Variants in MTERF4 observed in about 807,000 individuals in gnomAD.
The protein encoded by MTERF4 is transcription termination factor 4, mitochondrial.
Under a neutral mutation model 22.5 loss-of-function variants are expected in MTERF4, and 17 were observed. That is an observed-to-expected ratio of 0.75 (90% CI 0.52 to 1.13). The LOEUF (loss-of-function observed/expected upper bound fraction) is 1.13. Ranked by LOEUF, MTERF4 falls within the 50% of genes most tolerant of loss-of-function variation. The pLI is 0.00. For missense variants in MTERF4, 420 were observed against 466.8 expected (o/e 0.90, Z 0.92); for synonymous variants, 165 against 175.3 (o/e 0.94, Z 0.47).
chr2:241,093,101 C>T (rs1462042333), downstream of MTERF4: 1 of 152,370 alleles, frequency 6.6e-6, no homozygotes, highest in Non-Finnish European at 1.5e-5. Flanking sequence ...TTGTCATTTT[C>T]AGAAAGAAGG....
At chr2:241,069,033 G>A (rs751578055), downstream of MTERF4, 4 of 1,537,338 alleles carry the variant, frequency 2.6e-6, no homozygotes, top group African/African-American at 2.7e-5. The surrounding 1 kb of genome is among the most constrained non-coding windows in gnomAD (Gnocchi z 4.9). Flanking sequence ...CGTGAGTAGA[G>A]CAGCGCGGCC....
At chr2:241,081,768 G>A (rs201278542) in intron 4 of MTERF4, 272 of 1,599,276 alleles carry the variant, frequency 1.7e-4, no homozygotes, top group Non-Finnish European at 2.2e-4. Flanking sequence ...GCGGGCCAGG[G>A]TTCAAAGGCA....
intron 2 of MTERF4, chr2:241,099,081 CTTTT>C (rs11343341): frequency 9.3e-5 from 18 of 194,326 alleles, no homozygotes; most frequent in East Asian, 1.4e-4. Flanking sequence ...TATATAAAAT[CTTTT>C]TTTTTTTTTT....
At chr2:241,089,317 C>T (rs1217478395), downstream of MTERF4, 1 of 1,550,244 alleles carries the variant, frequency 6.5e-7, no homozygotes, top group African/African-American at 1.4e-5. Flanking sequence ...GAGTGAGGCA[C>T]CCTTGGGTAA....
chr2:241,080,932 C>T (rs1468862386), intron 4 of MTERF4, among the ~76,000 whole-genome samples: 1 of 152,232 alleles, frequency 6.6e-6, no homozygotes, highest in Non-Finnish European at 1.5e-5. Context: ...GCAGGAGCGA[C>T]AGGGACAGAC....
chr2:241,058,153 C>A, the MTERF4 span, among the ~76,000 whole-genome samples: 5 of 152,182 alleles, frequency 3.3e-5, no homozygotes, highest in African/African-American at 9.6e-5. Context: ...ATATTACTAT[C>A]AGAAAAAGAA....
At chr2:241,097,107 A>T in intron 3 of MTERF4, 136 bp downstream of exon 3, 2 of 1,045,328 alleles carry the variant, frequency 1.9e-6, no homozygotes, top group Non-Finnish European at 2.8e-6. Context: ...GACCTTCACT[A>T]CATTTGAAAA....
chr2:241,052,196 T>TG, the MTERF4 span: 1 of 1,559,442 alleles, frequency 6.4e-7, no homozygotes, highest in South Asian at 1.1e-5. Flanking sequence ...CGGCCAGGGG[T>TG]GAACCCTCTC....
At chr2:241,089,479 G>A, downstream of MTERF4, 2 of 1,516,870 alleles carry the variant, frequency 1.3e-6, no homozygotes, top group Non-Finnish European at 1.8e-6. Context: ...ACACCCCCTT[G>A]GGGGAAAGGT....
chr2:241,078,142 T>C (rs1394516227), intron 4 of MTERF4, among the ~76,000 whole-genome samples: 3 of 151,962 alleles, frequency 2.0e-5, no homozygotes, highest in African/African-American at 4.8e-5. Flanking sequence ...CCCAGCACTT[T>C]GGGAGGCCGA....
At chr2:241,067,130 G>A in the MTERF4 span, among the ~76,000 whole-genome samples, 24 of 152,290 alleles carry the variant, frequency 1.6e-4, no homozygotes, top group African/African-American at 4.8e-4. Context: ...CGCCCTGCCC[G>A]CTGCAGAGTT....
chr2:241,076,368 T>G (rs2063019877), intron 4 of MTERF4, among the ~76,000 whole-genome samples: 1 of 152,236 alleles, frequency 6.6e-6, no homozygotes, highest in African/African-American at 2.4e-5. Context: ...ATTTTATAGT[T>G]TGATACTATT....
At chr2:241,063,898 C>G in the MTERF4 span, 4 of 862,882 alleles carry the variant, frequency 4.6e-6, no homozygotes, top group Non-Finnish European at 7.3e-6. Flanking sequence ...CCCACTGCCC[C>G]TCTCTCCTGG....
downstream of MTERF4, chr2:241,087,190 A>G: frequency 1.7e-6 from 1 of 571,764 alleles, no homozygotes; most frequent in Non-Finnish European, 3.1e-6. Flanking sequence ...ATATTACTGT[A>G]CCACAATAAA....
chr2:241,098,650 C>T (rs1398648674), intron 2 of MTERF4, among the ~76,000 whole-genome samples: 1 of 152,208 alleles, frequency 6.6e-6, no homozygotes, highest in African/African-American at 2.4e-5. Context: ...TCTAAACACT[C>T]GACTAGAATC....
chr2:241,072,571 A>C, exon 5 of MTERF4: 1 of 265,390 alleles, frequency 3.8e-6, no homozygotes, highest in Non-Finnish European at 7.3e-6. Flanking sequence ...CTGAGCAAAA[A>C]CTCCTCAGGC....
the MTERF4 span, chr2:241,064,902 C>G: frequency 6.3e-7 from 1 of 1,584,134 alleles, no homozygotes; most frequent in South Asian, 1.2e-5. The surrounding 1 kb of genome is among the most constrained non-coding windows in gnomAD (Gnocchi z 7.0). Flanking sequence ...TGGCCAGCAA[C>G]GGCTCCCACA....
intron 4 of MTERF4, among the ~76,000 whole-genome samples, chr2:241,078,113 G>A (rs187245958): frequency 1.3e-3 from 192 of 152,256 alleles, no homozygotes; most frequent in Admixed American, 2.6e-3. Flanking sequence ...GGCCGGGCGC[G>A]GTGGCTCACG....
At chr2:241,071,441 C>T, downstream of MTERF4, 2 of 1,040,308 alleles carry the variant, frequency 1.9e-6, no homozygotes, top group South Asian at 3.0e-5. Context: ...CCTTGGATGA[C>T]CACGGCCCAC....
Sources: gnomAD v4.1 joint callset for allele counts (sites outside exome capture counted in the v4.1 genomes callset) on GRCh38, gnomAD v4.1.1 for gene constraint, Gnocchi (gnomAD v3.1) non-coding constraint, MANE v1.5 for transcripts, NCBI Gene and HGNC (gene_info 2026-07-23, HGNC 2026-07-21) for gene names.